Variants in ELAPOR2 observed in about 807,000 individuals in gnomAD.
ELAPOR2 encodes endosome/lysosome-associated apoptosis and autophagy regulator family member 2.
A neutral mutation model predicts 120.7 loss-of-function variants in ELAPOR2; 89 were observed. The ratio of observed to expected loss-of-function variants is 0.74; its 90% CI spans 0.62 to 0.88. ELAPOR2 has a LOEUF of 0.88. Among genes scored for constraint, ELAPOR2 ranks in the 40% least tolerant of loss-of-function variants. The probability of loss-of-function intolerance (pLI) is 0.00; values close to 1 mark genes in which losing one functional copy is unlikely to be tolerated. For synonymous variants in ELAPOR2, 444 were observed against 444.9 expected, an observed-to-expected ratio of 1.00 and a Z score of 0.03; for missense variants, 1,134 against 1,251.6, an observed-to-expected ratio of 0.91 and a Z score of 1.42.
At chr7:87,052,782 T>TTTTGTTTTG (rs1562988106) in intron 1 of ELAPOR2, among the ~76,000 whole-genome samples, 1 of 138,262 alleles carries the variant, frequency 7.2e-6, no homozygotes, top group African/African-American at 2.9e-5. Context: ...TTTTCTTTTG[T>TTTTGTTTTG]TTTGTTTTGT....
intron 1 of ELAPOR2, among the ~76,000 whole-genome samples, chr7:87,001,234 G>A (rs739875): frequency 0.38 from 57,476 of 151,926 alleles, 11,718 homozygotes; most frequent in African/African-American, 0.53. Context: ...AGAGAGTAGA[G>A]GTGATATTAT....
intron 1 of ELAPOR2, among the ~76,000 whole-genome samples, chr7:86,970,139 C>T (rs1196343613): frequency 6.6e-6 from 1 of 152,068 alleles, no homozygotes; most frequent in African/African-American, 2.4e-5. Context: ...AAAATCAGCT[C>T]CCTGATTGCT....
chr7:86,898,559 CAAA>C (rs11418158), intron 18 of ELAPOR2, among the ~76,000 whole-genome samples: 1 of 66,576 alleles, frequency 1.5e-5, no homozygotes, highest in Non-Finnish European at 2.9e-5. Flanking sequence ...ACACAATGAC[CAAA>C]AAAAAAAAAA....
intron 1 of ELAPOR2, among the ~76,000 whole-genome samples, chr7:87,017,243 C>G (rs929567857): frequency 2.0e-5 from 3 of 152,042 alleles, no homozygotes; most frequent in Non-Finnish European, 4.4e-5. Context: ...AAGGAAATAT[C>G]TAAAAATAAA....
Position 86,992,659 on chromosome 7 carries a change from G to A in ELAPOR2, c.190-27635C>T, listed in dbSNP as rs1792982743. Reference sequence around the variant, plus strand: ...ATTCATATGAAAAAAATAGGAAAAAGCAACTTTAACTAAGCTCTAATCTGT... The same window carrying A: ...ATTCATATGAAAAAAATAGGAAAAAACAACTTTAACTAAGCTCTAATCTGT... On this transcript the variant is annotated intron_variant, in intron 1 of 21. Coordinates refer to ENST00000450689, the MANE Select transcript of ELAPOR2 (RefSeq NM_001142749.3). 2.0e-5 allele frequency among the ~76,000 whole-genome samples: 3 copies of A among 152,146 alleles called. No individual in the cohort carries two copies. In the South Asian group the frequency reaches 6.2e-4, roughly 32 times the overall value.
At chr7:86,893,973 T>C (rs1344219826) in intron 19 of ELAPOR2, among the ~76,000 whole-genome samples, 1 of 152,102 alleles carries the variant, frequency 6.6e-6, no homozygotes, top group Non-Finnish European at 1.5e-5. Context: ...ATTAATAATA[T>C]AGGCACTAAT....
intron 1 of ELAPOR2, among the ~76,000 whole-genome samples, chr7:87,009,067 C>T (rs1358613516): frequency 6.6e-6 from 1 of 152,066 alleles, no homozygotes; most frequent in East Asian, 1.9e-4. Context: ...AATTAGATCC[C>T]TAATTTTGTT....
At chr7:86,973,392 G>A (rs568595245) in intron 1 of ELAPOR2, among the ~76,000 whole-genome samples, 8 of 152,112 alleles carry the variant, frequency 5.3e-5, no homozygotes, top group Admixed American at 2.0e-4. Context: ...TTCTCTGCCC[G>A]GAAGGCTCTT....
At position 86,952,846 on chromosome 7, in the gene ELAPOR2, G is replaced by C. The variant is rs1034243943; in HGVS notation, c.311-4924C>G. On this transcript the variant is annotated intron_variant, in intron 2 of 21. Coordinates refer to ENST00000450689, the MANE Select transcript of ELAPOR2 (RefSeq NM_001142749.3). Reference sequence around the variant, plus strand: ...TCAGTGGCTCACACCTGTAATCCCAGCACTTTGGGAGGCTGAGGCAGGCAG... The same window carrying C: ...TCAGTGGCTCACACCTGTAATCCCACCACTTTGGGAGGCTGAGGCAGGCAG... Among the ~76,000 whole-genome samples the C allele has an allele frequency of 2.0e-5, 3 of 152,132 alleles. No individual in the cohort carries two copies. The East Asian group carries it at 5.8e-4, about 29-fold the overall frequency.
intron 19 of ELAPOR2, among the ~76,000 whole-genome samples, chr7:86,893,304 T>C (rs547251633): frequency 6.6e-6 from 1 of 151,996 alleles, no homozygotes; most frequent in South Asian, 2.1e-4. Context: ...TATATGTGAA[T>C]GAATAAGGAA....
At position 86,880,159 on chromosome 7, in the gene ELAPOR2, T is replaced by C. The variant is rs963966450; in HGVS notation, c.*312A>G. 1 of 307,038 alleles carries C rather than the reference T, an allele frequency of 3.3e-6. No individual in the cohort carries two copies. The highest frequency in any genetic ancestry group is 2.2e-5 in the African/African-American group (1 of 45,798). 19.0% of individuals were successfully genotyped at this position (307,038 alleles called of 1,614,324 possible). The stretch of plus-strand genomic sequence containing the variant: ...GAATAAAAGTTACCCATTAATTATA[T>C]GGCATGCATCAGCAGTGCATTGGTG... On this transcript the variant is annotated 3_prime_UTR_variant, in exon 22 of 22. Transcript: ENST00000450689.
At chr7:87,037,833 C>T (rs1794638506) in intron 1 of ELAPOR2, among the ~76,000 whole-genome samples, 1 of 152,126 alleles carries the variant, frequency 6.6e-6, no homozygotes. Flanking sequence ...ATGTGGTGGT[C>T]TCTGTGCATC....
At chr7:86,951,047 A>C (rs1410311987) in intron 2 of ELAPOR2, among the ~76,000 whole-genome samples, 13 of 152,220 alleles carry the variant, frequency 8.5e-5, no homozygotes, top group Admixed American at 8.5e-4. Context: ...TAATATGATA[A>C]ATAATAATAT....
chr7:86,971,582 T>C (rs188785777), intron 1 of ELAPOR2, among the ~76,000 whole-genome samples: 1 of 152,312 alleles, frequency 6.6e-6, no homozygotes, highest in East Asian at 1.9e-4. Flanking sequence ...TTTAAACTTA[T>C]TGAATTAAAT....
chr7:87,048,628 A>T (rs922903955), intron 1 of ELAPOR2, among the ~76,000 whole-genome samples: 8 of 152,246 alleles, frequency 5.3e-5, no homozygotes, highest in African/African-American at 1.9e-4. Flanking sequence ...TAACTGAAGG[A>T]GTGTAACTTA....
At chr7:87,035,349 T>C (rs928274990) in intron 1 of ELAPOR2, among the ~76,000 whole-genome samples, 4 of 152,220 alleles carry the variant, frequency 2.6e-5, no homozygotes, top group Non-Finnish European at 4.4e-5. Flanking sequence ...CTTCTGCATA[T>C]GTAAAACACC....
intron 1 of ELAPOR2, among the ~76,000 whole-genome samples, chr7:87,042,337 C>T (rs1794813939): frequency 6.7e-6 from 1 of 149,426 alleles, no homozygotes; most frequent in Non-Finnish European, 1.5e-5. Flanking sequence ...CACACCTATT[C>T]CAAAATTGAC....
In ELAPOR2 at chr7:87,052,323, A is replaced by T. The variant is rs561717251; in HGVS notation, c.189+7002T>A. On this transcript the variant is annotated intron_variant, in intron 1 of 21. Transcript: ENST00000450689. ...GCAGACAAGAGAAGAGAGATTGTAC[A>T]GGGAAACTCCCCCTTATGAAACCAC... is the stretch of plus-strand genomic sequence containing the variant. Among the ~76,000 whole-genome samples the T allele has an allele frequency of 2.6e-5, 4 of 152,344 alleles. No individual in the cohort carries two copies. The East Asian group carries it at 7.7e-4, about 29-fold the overall frequency.
intron 1 of ELAPOR2, among the ~76,000 whole-genome samples, chr7:87,046,606 A>G (rs1465169491): frequency 1.3e-5 from 2 of 152,122 alleles, no homozygotes; most frequent in African/African-American, 4.8e-5. Flanking sequence ...AGGTGATTTG[A>G]TCTTCAGAGC....
Sources: gnomAD v4.1 joint callset for allele counts (sites outside exome capture counted in the v4.1 genomes callset) on GRCh38, gnomAD v4.1.1 for gene constraint, MANE v1.5 for transcripts, NCBI Gene and HGNC (gene_info 2026-07-23, HGNC 2026-07-21) for gene names.